Variants in ARHGEF7 observed in about 807,000 individuals in gnomAD.
ARHGEF7 encodes the protein Rho guanine nucleotide exchange factor 7.
In ARHGEF7, 33 loss-of-function variants were observed where a neutral mutation model predicts 109.8. That is an observed-to-expected ratio of 0.30 (90% CI 0.23 to 0.40). ARHGEF7 has a LOEUF of 0.40. Among genes scored for constraint, ARHGEF7 ranks in the 10% least tolerant of loss-of-function variants. The pLI, the probability that ARHGEF7 is intolerant of heterozygous loss-of-function variation, is 1.00. For synonymous variants in ARHGEF7, 458 were observed against 424.6 expected, an observed-to-expected ratio of 1.08 and a Z score of -0.97; for missense variants, 938 against 1,098.5, an observed-to-expected ratio of 0.85 and a Z score of 2.07.
Position 111,301,357 on chromosome 13 carries a change from T to C in ARHGEF7, c.2412-121T>C, listed in dbSNP as rs1366192543. 4 of 818,288 alleles carry C rather than the reference T, an allele frequency of 4.9e-6. No individual in the cohort carries two copies. In the African/African-American group the frequency reaches 5.2e-5, roughly 11 times the overall value. The allele number at this position is 818,288 out of a possible 1,614,324, so 50.7% of individuals were successfully genotyped here. A position where few individuals can be genotyped will look rare whatever the true frequency, so the allele number is the denominator to read the frequency against. On this transcript the variant is annotated intron_variant, in intron 20 of 21. Coordinates refer to ENST00000646102, the MANE Select transcript of ARHGEF7 (RefSeq NM_001354046.2). ...TTTAGTTGTGAATGTAGACAGTACA[T>C]GGGTAAGGCAGAGCAGCTCCGTGTC... is the stretch of plus-strand genomic sequence containing the variant.
intron 8 of ARHGEF7, among the ~76,000 whole-genome samples, chr13:111,264,043 G>A (rs1029230118): frequency 6.6e-6 from 1 of 152,182 alleles, no homozygotes; most frequent in African/African-American, 2.4e-5. Flanking sequence ...GGCTAATCCC[G>A]GTAGGTTGTG....
rs972972097 is a variant in ARHGEF7 at position 111,266,171 on chromosome 13, A to C, written c.951-1377A>C. Among the ~76,000 whole-genome samples the C allele has an allele frequency of 1.3e-5, 2 of 152,152 alleles. No homozygotes were observed. Among genetic ancestry groups the C allele is most frequent in the Non-Finnish European group, 2.9e-5 (2 of 68,030 alleles). The stretch of plus-strand genomic sequence containing the variant: ...CCATGTGAATGCTCACGGTTGACTC[A>C]GATGGAGACAGTTAGAGGAAGCGAT... On this transcript the variant is annotated intron_variant, in intron 8 of 21. Transcript: ENST00000646102. The surrounding 1 kb of genome is among the most constrained non-coding windows in gnomAD (Gnocchi z 4.8).
chr13:111,239,157 A>T lies in ARHGEF7; in HGVS notation c.760-4715A>T, dbSNP rs2087321163. ...CACACCCCCGTGCCATGATTCAGTT[A>T]CCTCCACCCTGTCCCGCCCTTGACA... On this transcript the variant is annotated intron_variant, in intron 6 of 21. Coordinates refer to ENST00000646102, the MANE Select transcript of ARHGEF7 (RefSeq NM_001354046.2). The surrounding 1 kb of genome is among the most constrained non-coding windows in gnomAD (Gnocchi z 4.3). Among the ~76,000 whole-genome samples the T allele has an allele frequency of 6.6e-6, 1 of 152,036 alleles. No individual in the cohort carries two copies. Among genetic ancestry groups the T allele is most frequent in the Non-Finnish European group, 1.5e-5 (1 of 67,992 alleles).
At chr13:111,231,300 A>G (rs2086016785) in intron 5 of ARHGEF7, among the ~76,000 whole-genome samples, 1 of 152,246 alleles carries the variant, frequency 6.6e-6, no homozygotes, top group Non-Finnish European at 1.5e-5. Flanking sequence ...TAAGTGTGCT[A>G]GCAAGAATAG....
chr13:111,139,618 C>T (rs796373163), intron 1 of ARHGEF7, among the ~76,000 whole-genome samples: 9 of 132,364 alleles, frequency 6.8e-5, no homozygotes, highest in Non-Finnish European at 1.2e-4. Context: ...CGGGTGCCTG[C>T]GTGGAGCACT....
At chr13:111,136,091 A>G (rs556141457) in intron 1 of ARHGEF7, among the ~76,000 whole-genome samples, 25 of 152,286 alleles carry the variant, frequency 1.6e-4, no homozygotes, top group African/African-American at 5.1e-4. Flanking sequence ...TATATGCTGG[A>G]TTACGTTTAT....
At chr13:111,233,792 A>G (rs947733957) in intron 6 of ARHGEF7, among the ~76,000 whole-genome samples, 2 of 152,190 alleles carry the variant, frequency 1.3e-5, no homozygotes, top group African/African-American at 4.8e-5. Flanking sequence ...TGTTAAAGAC[A>G]GGTGTTTCTG....
At chr13:111,301,696 C>A (rs1027963207) in intron 21 of ARHGEF7, among the ~76,000 whole-genome samples, 164 bp downstream of exon 21, 1 of 152,148 alleles carries the variant, frequency 6.6e-6, no homozygotes, top group Non-Finnish European at 1.5e-5. Flanking sequence ...AGTTCAAGAC[C>A]AACCTCACCA....
At chr13:111,291,232 C>T (rs1008196767) in intron 18 of ARHGEF7, among the ~76,000 whole-genome samples, 1 of 152,276 alleles carries the variant, frequency 6.6e-6, no homozygotes, top group African/African-American at 2.4e-5. Context: ...CAGCCTGCCT[C>T]TCAGCCCAGG....
chr13:111,220,520 T>C (rs913885253), intron 5 of ARHGEF7, among the ~76,000 whole-genome samples: 2 of 152,214 alleles, frequency 1.3e-5, no homozygotes, highest in Non-Finnish European at 2.9e-5. Context: ...ATGGGGTTTG[T>C]GGATCTCAAA....
intron 2 of ARHGEF7, among the ~76,000 whole-genome samples, chr13:111,192,710 C>T (rs980264700): frequency 6.6e-6 from 1 of 152,128 alleles, no homozygotes; most frequent in Admixed American, 6.5e-5. Flanking sequence ...GTATCCCTAG[C>T]GCCCTGGAAG....
intron 1 of ARHGEF7, among the ~76,000 whole-genome samples, chr13:111,119,984 A>G (rs557145221): frequency 6.6e-6 from 1 of 152,334 alleles, no homozygotes; most frequent in South Asian, 2.1e-4. Flanking sequence ...AAGTTATAAT[A>G]TGGTATCTCC....
At chr13:111,174,789 A>G (rs776028093) in intron 2 of ARHGEF7, among the ~76,000 whole-genome samples, 13 of 152,146 alleles carry the variant, frequency 8.5e-5, no homozygotes, top group Non-Finnish European at 1.3e-4. Flanking sequence ...AGCAGAAAGG[A>G]GAGGAAACAC....
chr13:111,301,052 G>A (rs558917906), intron 20 of ARHGEF7, among the ~76,000 whole-genome samples: 3 of 152,022 alleles, frequency 2.0e-5, no homozygotes, highest in Non-Finnish European at 4.4e-5. Flanking sequence ...GGGTTCAAGC[G>A]GTTCTCCTGC....
intron 1 of ARHGEF7, among the ~76,000 whole-genome samples, chr13:111,118,260 G>A (rs1441602221): frequency 1.3e-5 from 2 of 152,256 alleles, no homozygotes; most frequent in East Asian, 1.9e-4. Context: ...TCAGAGTTAG[G>A]AAGAGGGTGG....
In ARHGEF7 at chr13:111,233,309, A is replaced by T; in HGVS notation, c.759+16A>T. On this transcript the variant is annotated intron_variant, in intron 6 of 21. Transcript: ENST00000646102. ...TTACAATGTGGTGAGTAATTGCAGA[A>T]CATTTTTAAACTAACTGGTTTTTGA... The T allele has an allele frequency of 1.3e-6, 2 of 1,598,878 alleles. No individual in the cohort carries two copies. Among genetic ancestry groups the T allele is most frequent in the Non-Finnish European group, 1.7e-6 (2 of 1,166,134 alleles).
intron 20 of ARHGEF7, 37 bp downstream of exon 20, chr13:111,300,884 A>T: frequency 7.1e-7 from 1 of 1,415,860 alleles, no homozygotes; most frequent in East Asian, 2.3e-5. Flanking sequence ...CAGATGTTTG[A>T]CCTCTGCGGT....
chr13:111,153,656 G>A (rs759866702), intron 1 of ARHGEF7: 9 of 1,224,516 alleles, frequency 7.3e-6, no homozygotes, highest in African/African-American at 3.2e-5. Flanking sequence ...CACTTCCGGC[G>A]CCGGGGCTCA....
chr13:111,142,879 C>G (rs2075413149), intron 1 of ARHGEF7, among the ~76,000 whole-genome samples: 1 of 152,234 alleles, frequency 6.6e-6, no homozygotes, highest in Admixed American at 6.5e-5. Context: ...CGGGTTCAGT[C>G]TTCTCTTAGG....
Sources: gnomAD v4.1 joint callset for allele counts (sites outside exome capture counted in the v4.1 genomes callset) on GRCh38, gnomAD v4.1.1 for gene constraint, Gnocchi (gnomAD v3.1) non-coding constraint, MANE v1.5 for transcripts, NCBI Gene and HGNC (gene_info 2026-07-23, HGNC 2026-07-21) for gene names.